RGS6: variants seen among roughly 807,000 people sequenced by gnomAD.
RGS6 encodes regulator of G protein signaling 6.
Under a neutral mutation model 78.5 loss-of-function variants are expected in RGS6, and 30 were observed. The observed-to-expected ratio is 0.38, with a 90% CI of 0.29 to 0.52. RGS6 has a LOEUF of 0.52. Among genes scored for constraint, RGS6 ranks in the 20% least tolerant of loss-of-function variants. The pLI, the probability that RGS6 is intolerant of heterozygous loss-of-function variation, is 0.85. For synonymous variants in RGS6, 206 were observed against 206.0 expected, an observed-to-expected ratio of 1.00 and a Z score of 0.00; for missense variants, 495 against 609.7, an observed-to-expected ratio of 0.81 and a Z score of 1.98.
chr14:72,531,275 A>G lies in RGS6; in HGVS notation c.1279-4911A>G, dbSNP rs1314695809. On this transcript the variant is annotated intron_variant, in intron 15 of 17. Transcript: ENST00000553525. ...TGGGGAAACCCCGTATCCACTAAAA[A>G]TAAAAAAATCAGCTGGGTGTGGTGG... Among the ~76,000 whole-genome samples, 5 of 152,230 alleles carry G rather than the reference A, an allele frequency of 3.3e-5. No homozygotes were observed. In the East Asian group the frequency reaches 7.7e-4, roughly 24 times the overall value.
At chr14:72,047,329 C>T (rs2092926858) in intron 2 of RGS6, among the ~76,000 whole-genome samples, 1 of 152,128 alleles carries the variant, frequency 6.6e-6, no homozygotes, top group Admixed American at 6.5e-5. Context: ...TCTGCCAGGC[C>T]CTGCACTAAG....
At chr14:72,062,062 AAGC>A (rs1596889317) in intron 2 of RGS6, among the ~76,000 whole-genome samples, 1 of 152,254 alleles carries the variant, frequency 6.6e-6, no homozygotes, top group South Asian at 2.1e-4. Flanking sequence ...TATAAAGACA[AAGC>A]AGAGAAATGA....
At chr14:71,912,082 C>G in the RGS6 span, among the ~76,000 whole-genome samples, 5 of 152,142 alleles carry the variant, frequency 3.3e-5, no homozygotes, top group Admixed American at 6.5e-5. Flanking sequence ...CCTGCCAGAA[C>G]CAGTCCATGA....
chr14:72,619,412 C>G, the RGS6 span: 22 of 1,526,526 alleles, frequency 1.4e-5, no homozygotes, highest in Admixed American at 2.0e-4. Flanking sequence ...TCTGCTAACT[C>G]TGGAGCCCCA....
At chr14:72,448,243 G>A (rs960874175) in intron 3 of RGS6, among the ~76,000 whole-genome samples, 5 of 152,192 alleles carry the variant, frequency 3.3e-5, no homozygotes, top group African/African-American at 1.2e-4. Flanking sequence ...TATAAATGCT[G>A]CACCTTATCA....
At chr14:72,073,358 A>G (rs1165763384) in intron 2 of RGS6, among the ~76,000 whole-genome samples, 1 of 152,242 alleles carries the variant, frequency 6.6e-6, no homozygotes, top group Non-Finnish European at 1.5e-5. Flanking sequence ...TTTTGGTCCT[A>G]AAAGTATTAT....
intron 2 of RGS6, among the ~76,000 whole-genome samples, chr14:72,215,031 CTG>C (rs150435101): frequency 0.018 from 2,725 of 152,308 alleles, 33 homozygotes; most frequent in East Asian, 0.059. Flanking sequence ...CATCAGGACA[CTG>C]TGAAGCCTTT....
At chr14:72,429,353 G>A (rs928189431) in intron 3 of RGS6, among the ~76,000 whole-genome samples, 1 of 152,154 alleles carries the variant, frequency 6.6e-6, no homozygotes, top group African/African-American at 2.4e-5. Flanking sequence ...TGGATGTTGA[G>A]GGCCCCAGGT....
At chr14:72,604,251 C>A in the RGS6 span, among the ~76,000 whole-genome samples, 2 of 152,292 alleles carry the variant, frequency 1.3e-5, no homozygotes, top group African/African-American at 2.4e-5. Context: ...AGGTCCCAGA[C>A]AACCTCAGCC....
Position 72,370,431 on chromosome 14 carries a change from ACTATTAGGTTTTACCATG to A in RGS6, c.184+18238_184+18255del, listed in dbSNP as rs543107986. On this transcript the variant is annotated intron_variant, in intron 3 of 17. Coordinates refer to ENST00000553525, the MANE Select transcript of RGS6 (RefSeq NM_001204424.2). ...GCTTATTTACCTGACTCTGGTATTG[ACTATTAGGTTTTACCATG>A]GTCAGCAGCTGTGGGCTGTGTCAGG... 2.6e-4 allele frequency among the ~76,000 whole-genome samples: 40 copies of A among 152,250 alleles called. No homozygotes were observed. In the East Asian group the frequency reaches 6.0e-3, roughly 23 times the overall value.
chr14:72,550,389 A>T, intron 17 of RGS6: 5 of 1,321,848 alleles, frequency 3.8e-6, no homozygotes, highest in Non-Finnish European at 5.3e-6. Flanking sequence ...ACCATTCCAC[A>T]CCATGCCCCT....
intron 2 of RGS6, among the ~76,000 whole-genome samples, chr14:72,345,111 G>A (rs75872005): frequency 6.6e-6 from 1 of 152,282 alleles, no homozygotes; most frequent in Non-Finnish European, 1.5e-5. Flanking sequence ...CTTCTGGGAA[G>A]GAATATGCTT....
At chr14:72,573,855 A>G in the RGS6 span, among the ~76,000 whole-genome samples, 1 of 152,214 alleles carries the variant, frequency 6.6e-6, no homozygotes, top group Non-Finnish European at 1.5e-5. Context: ...ATGCACGTGC[A>G]CACACACGCA....
chr14:71,897,471 G>A, the RGS6 span, among the ~76,000 whole-genome samples: 6 of 151,818 alleles, frequency 4.0e-5, no homozygotes, highest in African/African-American at 1.2e-4. Context: ...ACCTGCTGCT[G>A]GTCTCATGGT....
intron 2 of RGS6, among the ~76,000 whole-genome samples, chr14:72,112,346 G>A (rs1208918110): frequency 2.6e-5 from 4 of 152,162 alleles, no homozygotes; most frequent in Admixed American, 2.6e-4. Flanking sequence ...ATATTAGGCT[G>A]CTAAGGTTTT....
At chr14:72,254,473 A>T (rs1280911744) in intron 2 of RGS6, among the ~76,000 whole-genome samples, 1 of 151,998 alleles carries the variant, frequency 6.6e-6, no homozygotes, top group South Asian at 2.1e-4. Flanking sequence ...TTGACAGTGC[A>T]TGCCTGAGAG....
chr14:72,618,508 G>A, the RGS6 span, among the ~76,000 whole-genome samples: 6 of 152,198 alleles, frequency 3.9e-5, no homozygotes, highest in African/African-American at 1.4e-4. Flanking sequence ...CCTAAAGGAT[G>A]CCCCAGCTCT....
chr14:72,446,276 A>G (rs1422188568), intron 3 of RGS6, among the ~76,000 whole-genome samples: 1 of 152,198 alleles, frequency 6.6e-6, no homozygotes, highest in Non-Finnish European at 1.5e-5. Flanking sequence ...CTGTTGTCTA[A>G]GCCACCCAGT....
At chr14:72,234,029 G>A (rs564336502) in intron 2 of RGS6, among the ~76,000 whole-genome samples, 1 of 152,260 alleles carries the variant, frequency 6.6e-6, no homozygotes, top group South Asian at 2.1e-4. Flanking sequence ...GTTGTGCTAT[G>A]CTTGTGAGTA....
Sources: allele counts gnomAD v4.1 joint callset (sites outside exome capture counted in the v4.1 genomes callset), GRCh38; gene constraint gnomAD v4.1.1; transcripts MANE v1.5; gene names NCBI Gene and HGNC (gene_info 2026-07-23, HGNC 2026-07-21).